PCP4: variants seen among roughly 807,000 people sequenced by gnomAD.
PCP4 encodes the protein Purkinje cell protein 4, also known as calmodulin regulator protein PCP4.
Under a neutral mutation model 10.0 loss-of-function variants are expected in PCP4, and 8 were observed. That is an observed-to-expected ratio of 0.80 (90% CI 0.47 to 1.45). PCP4 has a LOEUF of 1.45. Ranked by LOEUF, PCP4 falls within the 40% of genes most tolerant of loss-of-function variation. The pLI is 0.00. For missense variants in PCP4, 54 were observed against 74.4 expected (o/e 0.73, Z 1.01); for synonymous variants, 21 against 23.0 (o/e 0.91, Z 0.24).
intron 1 of PCP4, among the ~76,000 whole-genome samples, chr21:39,880,495 G>A (rs1326642463): frequency 6.6e-6 from 1 of 152,146 alleles, no homozygotes; most frequent in Non-Finnish European, 1.5e-5. Flanking sequence ...GTGAGTGTGT[G>A]TGTATACGTG....
At chr21:39,924,212 C>G (rs1160131537) in intron 2 of PCP4, among the ~76,000 whole-genome samples, 3 of 152,196 alleles carry the variant, frequency 2.0e-5, no homozygotes, top group African/African-American at 7.2e-5. Context: ...GCAGCTCTGG[C>G]CACGCCATGC....
chr21:39,880,478 C>T (rs189954006), intron 1 of PCP4, among the ~76,000 whole-genome samples: 134 of 151,786 alleles, frequency 8.8e-4, no homozygotes, highest in Non-Finnish European at 1.4e-3. Context: ...TGTGTGTGTG[C>T]ATGCGTGTGA....
chr21:39,895,846 G>A (rs1438396218), intron 1 of PCP4, among the ~76,000 whole-genome samples: 2 of 152,196 alleles, frequency 1.3e-5, no homozygotes, highest in Non-Finnish European at 2.9e-5. Flanking sequence ...CCAGACCCTG[G>A]GAATGGGGCA....
intron 2 of PCP4, chr21:39,916,053 CTA>C (rs926528902): frequency 3.3e-4 from 50 of 152,066 alleles, no homozygotes; most frequent in African/African-American, 1.2e-3. Context: ...GATTTTTTTT[CTA>C]TGTTTCCTAG....
chr21:39,922,616 G>A (rs2087601617), intron 2 of PCP4, among the ~76,000 whole-genome samples: 1 of 152,018 alleles, frequency 6.6e-6, no homozygotes. Flanking sequence ...ATTATTCAAG[G>A]GCCATTGGCA....
intron 2 of PCP4, among the ~76,000 whole-genome samples, chr21:39,925,877 C>G (rs2087618650): frequency 6.6e-6 from 1 of 152,160 alleles, no homozygotes; most frequent in African/African-American, 2.4e-5. Flanking sequence ...AAGAGTGGTT[C>G]TGGGAGTGGG....
intron 2 of PCP4, among the ~76,000 whole-genome samples, chr21:39,919,797 TGTG>T (rs553195339): frequency 2.5e-4 from 37 of 150,320 alleles, no homozygotes; most frequent in South Asian, 4.2e-4. Context: ...GTGTGTGTAA[TGTG>T]GTGTATTTGT....
rs900515644 is a variant in PCP4, at chr21:39,906,067, T to C, written c.61+7540T>C. ...TCCGTCTCAAAATGCTCCCCCATGC[T>C]GTCTTCCCTTTGATGTTACCATGGC... On this transcript the variant is annotated intron_variant, in intron 2 of 2. Coordinates refer to ENST00000328619, the MANE Select transcript of PCP4 (RefSeq NM_006198.3). This position sits in a 1 kb window ranked among gnomAD's most constrained non-coding sequence, Gnocchi z 6.3. Among the ~76,000 whole-genome samples, 11 of 152,194 alleles carry C rather than the reference T, an allele frequency of 7.2e-5. No homozygotes were observed. The highest frequency in any genetic ancestry group is 2.7e-4 in the African/African-American group (11 of 41,466).
intron 1 of PCP4, among the ~76,000 whole-genome samples, chr21:39,890,894 GT>G (rs146951823): frequency 0.06 from 9,148 of 152,080 alleles, 351 homozygotes; most frequent in South Asian, 0.084. Flanking sequence ...AAGTAATTGA[GT>G]TTTTTGTTTT....
At chr21:39,914,620 A>G (rs557905306) in intron 2 of PCP4, among the ~76,000 whole-genome samples, 1 of 151,422 alleles carries the variant, frequency 6.6e-6, no homozygotes, top group South Asian at 2.1e-4. Context: ...AATTCTTTGT[A>G]GAATTATGGG....
At chr21:39,914,884 C>T (rs991654164) in intron 2 of PCP4, among the ~76,000 whole-genome samples, 3 of 152,110 alleles carry the variant, frequency 2.0e-5, no homozygotes, top group Admixed American at 6.5e-5. Context: ...GGTGAGCACC[C>T]TCAGGAGAGT....
At position 39,904,089 on chromosome 21, in the gene PCP4, C is replaced by T. The variant is rs377281714; in HGVS notation, c.61+5562C>T. On this transcript the variant is annotated intron_variant, in intron 2 of 2. Coordinates refer to ENST00000328619, the MANE Select transcript of PCP4 (RefSeq NM_006198.3). Reference sequence around the variant, plus strand: ...AGAGTCACTTTCTTATTTTTCTGCTCTTAAGTAGGTAGAGAGAGAGGTCCC... The same window carrying T: ...AGAGTCACTTTCTTATTTTTCTGCTTTTAAGTAGGTAGAGAGAGAGGTCCC... Among the ~76,000 whole-genome samples, 10 of 152,186 alleles carry T rather than the reference C, an allele frequency of 6.6e-5. No individual in the cohort carries two copies. The East Asian group carries it at 1.4e-3, about 21-fold the overall frequency.
At chr21:39,892,152 T>G (rs2087435554) in intron 1 of PCP4, among the ~76,000 whole-genome samples, 2 of 152,228 alleles carry the variant, frequency 1.3e-5, no homozygotes, top group Non-Finnish European at 2.9e-5. Context: ...GCGGCCCCTA[T>G]GCGGGCGTGA....
intron 1 of PCP4, among the ~76,000 whole-genome samples, chr21:39,887,738 T>C (rs1228782590): frequency 6.6e-6 from 1 of 152,238 alleles, no homozygotes; most frequent in Non-Finnish European, 1.5e-5. Flanking sequence ...CATTCAAAGA[T>C]GGATCATCTA....
intron 2 of PCP4, among the ~76,000 whole-genome samples, chr21:39,909,523 T>C (rs955309353): frequency 1.3e-5 from 2 of 152,216 alleles, no homozygotes; most frequent in Admixed American, 1.3e-4. Flanking sequence ...ATTCTGGTCA[T>C]GGTTTTTCTG....
At chr21:39,901,891 A>T (rs995443141) in intron 2 of PCP4, among the ~76,000 whole-genome samples, 1 of 152,208 alleles carries the variant, frequency 6.6e-6, no homozygotes, top group Non-Finnish European at 1.5e-5. Flanking sequence ...AAAGACAAAA[A>T]CTGGAACAGC....
intron 1 of PCP4, among the ~76,000 whole-genome samples, chr21:39,888,741 C>G (rs1443572229): frequency 6.6e-6 from 1 of 152,180 alleles, no homozygotes; most frequent in Non-Finnish European, 1.5e-5. Flanking sequence ...AGCAGTGGGT[C>G]CCTTCTGCTT....
intron 2 of PCP4, among the ~76,000 whole-genome samples, chr21:39,912,862 A>C (rs1423507712): frequency 6.6e-6 from 1 of 152,124 alleles, no homozygotes; most frequent in Non-Finnish European, 1.5e-5. Context: ...GGTGCGGGCC[A>C]CTATAACCAG....
At chr21:39,920,210 GT>G (rs2087589546) in intron 2 of PCP4, among the ~76,000 whole-genome samples, 1 of 146,268 alleles carries the variant, frequency 6.8e-6, no homozygotes, top group African/African-American at 2.5e-5. Flanking sequence ...CGATATGTGT[GT>G]TTGGTGTGGT....
Sources: gnomAD v4.1 joint callset for allele counts (sites outside exome capture counted in the v4.1 genomes callset) on GRCh38, gnomAD v4.1.1 for gene constraint, Gnocchi (gnomAD v3.1) non-coding constraint, MANE v1.5 for transcripts, NCBI Gene and HGNC (gene_info 2026-07-23, HGNC 2026-07-21) for gene names.